Variants in PSD3 observed in about 807,000 individuals in gnomAD.
PSD3 encodes the protein pleckstrin and Sec7 domain containing 3, also known as PH and SEC7 domain-containing protein 3.
In PSD3, 49 loss-of-function variants were observed where a neutral mutation model predicts 105.5. The observed-to-expected ratio is 0.46, with a 90% CI of 0.37 to 0.59. The LOEUF is 0.59. Among genes scored for constraint, PSD3 ranks in the 20% least tolerant of loss-of-function variants. PSD3 has a pLI of 0.00. For synonymous variants in PSD3, 557 were observed against 457.8 expected, an observed-to-expected ratio of 1.22 and a Z score of -2.77; for missense variants, 1,561 against 1,263.8, an observed-to-expected ratio of 1.24 and a Z score of -3.57.
At chr8:18,624,528 G>A (rs1341081972) in intron 11 of PSD3, among the ~76,000 whole-genome samples, 10 of 106,132 alleles carry the variant, frequency 9.4e-5, no homozygotes, top group Non-Finnish European at 1.6e-4. Context: ...ACACTCTGGG[G>A]ACTGTTGTGG....
intron 4 of PSD3, among the ~76,000 whole-genome samples, chr8:18,855,192 T>C (rs73582618): frequency 2.6e-5 from 4 of 152,342 alleles, no homozygotes; most frequent in African/African-American, 7.2e-5. Flanking sequence ...AAAATTACTT[T>C]CTAAACAGAA....
chr8:18,856,632 T>C lies in PSD3; in HGVS notation c.1634+11042A>G, dbSNP rs561534772. Among the ~76,000 whole-genome samples, 8 of 152,336 alleles carry C rather than the reference T, an allele frequency of 5.3e-5. 1 individual carries two copies. The South Asian group carries it at 1.7e-3, about 32-fold the overall frequency. ...TATAATATTACTCTTGACAAGAAAA[T>C]GTCACCTTGTTTGCGTTGAGGTGGG... is the stretch of plus-strand genomic sequence containing the variant. On this transcript the variant is annotated intron_variant, in intron 4 of 15. Transcript: ENST00000327040.
chr8:18,592,601 C>T (rs1803692741), intron 12 of PSD3, among the ~76,000 whole-genome samples: 1 of 151,976 alleles, frequency 6.6e-6, no homozygotes, highest in South Asian at 2.1e-4. Flanking sequence ...TTGAAAGTAG[C>T]AAAAGAAAAG....
At chr8:18,935,953 A>G (rs903114972) in intron 2 of PSD3, 81 bp downstream of exon 2, 7 of 827,228 alleles carry the variant, frequency 8.5e-6, no homozygotes, top group Non-Finnish European at 1.2e-5. Context: ...AGAAGAAAGT[A>G]ATGCAGGTGG....
chr8:18,807,098 C>T (rs1811269804), intron 4 of PSD3, among the ~76,000 whole-genome samples: 1 of 152,192 alleles, frequency 6.6e-6, no homozygotes. Context: ...TGTAAACTTA[C>T]ATCACGAAAT....
intron 9 of PSD3, among the ~76,000 whole-genome samples, chr8:18,739,050 G>A (rs1337438786): frequency 6.6e-6 from 1 of 152,148 alleles, no homozygotes; most frequent in East Asian, 1.9e-4. Context: ...TTCGCCTAGT[G>A]ATTTAATTAA....
At chr8:18,941,208 A>G (rs555976549) in intron 1 of PSD3, among the ~76,000 whole-genome samples, 1 of 152,342 alleles carries the variant, frequency 6.6e-6, no homozygotes, top group South Asian at 2.1e-4. Context: ...CTTAAGAAGT[A>G]TGGAACATGA....
intron 1 of PSD3, among the ~76,000 whole-genome samples, chr8:18,966,313 T>C (rs772983398): frequency 6.6e-6 from 1 of 152,132 alleles, no homozygotes; most frequent in Admixed American, 6.5e-5. Flanking sequence ...CTCAGGCCTG[T>C]AATTCCAGCA....
At chr8:18,915,708 T>C (rs1820536714) in intron 2 of PSD3, among the ~76,000 whole-genome samples, 1 of 152,146 alleles carries the variant, frequency 6.6e-6, no homozygotes, top group Admixed American at 6.5e-5. Flanking sequence ...GAATGGCTAA[T>C]ATCAAAAAGA....
At chr8:19,049,535 T>A (rs1828442712) in intron 1 of PSD3, among the ~76,000 whole-genome samples, 1 of 151,566 alleles carries the variant, frequency 6.6e-6, no homozygotes, top group Admixed American at 6.6e-5. Context: ...GCAAAATTTT[T>A]AAAAAATTAG....
At chr8:18,602,248 T>G (rs997311011) in intron 11 of PSD3, among the ~76,000 whole-genome samples, 1 of 152,148 alleles carries the variant, frequency 6.6e-6, no homozygotes, top group African/African-American at 2.4e-5. Context: ...TTAATCCAAG[T>G]ACATGTTTAC....
chr8:18,667,206 A>C (rs1028949390), intron 9 of PSD3, among the ~76,000 whole-genome samples: 3 of 152,028 alleles, frequency 2.0e-5, no homozygotes, highest in African/African-American at 7.3e-5. Context: ...TTTTACAGAG[A>C]GCCGATTACT....
intron 2 of PSD3, among the ~76,000 whole-genome samples, chr8:18,914,041 C>G (rs1275741401): frequency 6.6e-6 from 1 of 152,034 alleles, no homozygotes; most frequent in Non-Finnish European, 1.5e-5. Flanking sequence ...ACCTGAAAAT[C>G]CAGGCTCTAA....
intron 11 of PSD3, among the ~76,000 whole-genome samples, chr8:18,617,594 C>T (rs1275486091): frequency 6.6e-6 from 1 of 152,126 alleles, no homozygotes; most frequent in East Asian, 1.9e-4. Context: ...TAATAAAATT[C>T]TAAGCTCCCA....
chr8:19,003,644 G>A (rs1255840046), intron 1 of PSD3, among the ~76,000 whole-genome samples: 2 of 152,050 alleles, frequency 1.3e-5, no homozygotes, highest in Admixed American at 1.3e-4. Flanking sequence ...AGGGAAGAAG[G>A]AGGGAGGATT....
intron 12 of PSD3, among the ~76,000 whole-genome samples, chr8:18,595,502 G>A (rs929982385): frequency 2.4e-4 from 36 of 148,172 alleles, no homozygotes; most frequent in East Asian, 2.0e-4. Context: ...GAGAGAGAGA[G>A]AAAAAAAAAC....
chr8:18,683,689 T>C (rs1479199461), intron 9 of PSD3: 2 of 709,840 alleles, frequency 2.8e-6, no homozygotes, highest in African/African-American at 3.5e-5. Context: ...AGTCTATCAC[T>C]GCACATTAGA....
At chr8:18,870,235 C>G (rs924170997) in intron 3 of PSD3, among the ~76,000 whole-genome samples, 1 of 152,110 alleles carries the variant, frequency 6.6e-6, no homozygotes, top group Non-Finnish European at 1.5e-5. Flanking sequence ...CAGATGCTCT[C>G]CCGTATAAAC....
chr8:18,638,732 GA>G (rs903689593), intron 10 of PSD3, among the ~76,000 whole-genome samples: 1 of 151,884 alleles, frequency 6.6e-6, no homozygotes, highest in Non-Finnish European at 1.5e-5. Flanking sequence ...TATAGGGATA[GA>G]AAAAATACTA....
Sources: allele counts gnomAD v4.1 joint callset (sites outside exome capture counted in the v4.1 genomes callset), GRCh38; gene constraint gnomAD v4.1.1; transcripts MANE v1.5; gene names NCBI Gene and HGNC (gene_info 2026-07-23, HGNC 2026-07-21).